The following CEP162 variants were observed in gnomAD, a reference collection of about 807,000 sequenced individuals.
The protein encoded by CEP162 is centrosomal protein 162, also known as centrosomal protein of 162 kDa.
A neutral mutation model predicts 169.2 loss-of-function variants in CEP162; 141 were observed. The ratio of observed to expected loss-of-function variants is 0.83; its 90% CI spans 0.73 to 0.96. The LOEUF (loss-of-function observed/expected upper bound fraction) is 0.96. CEP162 is among the 40% of genes least tolerant of loss of function. The pLI is 0.00. For missense variants in CEP162, 1,600 were observed against 1,587.2 expected (o/e 1.01, Z -0.14); for synonymous variants, 540 against 526.4 (o/e 1.03, Z -0.35).
At chr6:84,198,655 T>C (rs572700805) in intron 9 of CEP162, among the ~76,000 whole-genome samples, 3 of 152,274 alleles carry the variant, frequency 2.0e-5, no homozygotes, top group African/African-American at 7.2e-5. Context: ...ACTGTATAAC[T>C]CTAGGTTCTC....
intron 25 of CEP162, among the ~76,000 whole-genome samples, chr6:84,128,579 A>C (rs1056107432): frequency 5.3e-5 from 8 of 152,114 alleles, no homozygotes; most frequent in Non-Finnish European, 8.8e-5. Flanking sequence ...TTTCCTTAGC[A>C]TCAATATCTT....
intron 13 of CEP162, 67 bp from the exon 14 acceptor site, chr6:84,175,414 G>A (rs1588797043): frequency 1.8e-6 from 2 of 1,120,928 alleles, no homozygotes; most frequent in Non-Finnish European, 2.5e-6. Context: ...CATCAATTGT[G>A]TCCAATAACT....
At position 84,215,388 on chromosome 6, in the gene CEP162, G is replaced by T. The variant is rs1332133080; in HGVS notation, c.397C>A (p.Gln133Lys). Reference protein sequence around the residue: ...DTLEEQEEKEQFFARLEKGLT... With the variant: ...DTLEEQEEKEKFFARLEKGLT... ...CCTTTCTCAAGCCTGGCAAAAAATT[G>T]TTCTTTCTCCTCTTGTTCTTCTAAT... The change falls in exon 5 of 27, where the codon CAA (glutamine) becomes AAA (lysine). Residue 133 changes from glutamine (Q) to lysine (K), a missense_variant. By Grantham distance (53) the Gln-to-Lys change is moderately conservative (BLOSUM62 1). Coordinates refer to ENST00000403245, the MANE Select transcript of CEP162 (RefSeq NM_014895.4). 2 of 1,609,316 alleles carry T rather than the reference G, an allele frequency of 1.2e-6. No individual in the cohort carries two copies. The highest frequency in any genetic ancestry group is 1.3e-5 in the African/African-American group (1 of 74,832).
chr6:84,126,111 G>A (rs902074862), intron 26 of CEP162, among the ~76,000 whole-genome samples: 1 of 152,080 alleles, frequency 6.6e-6, no homozygotes, highest in African/African-American at 2.4e-5. Context: ...GGTAAGATGT[G>A]TAAGTTTTTA....
chr6:84,166,803 A>C (rs9449821), intron 18 of CEP162, among the ~76,000 whole-genome samples: 1 of 152,226 alleles, frequency 6.6e-6, no homozygotes, highest in Non-Finnish European at 1.5e-5. Context: ...TAGACTATAC[A>C]TAAATCATAA....
intron 13 of CEP162, among the ~76,000 whole-genome samples, chr6:84,179,300 C>G (rs192625540): frequency 9.7e-4 from 148 of 152,306 alleles, no homozygotes; most frequent in Middle Eastern, 3.4e-3. Context: ...GTTCCTATTT[C>G]TCCACATCCT....
Position 84,185,276 on chromosome 6 carries a change from A to C in CEP162, c.1574T>G (p.Phe525Cys), listed in dbSNP as rs948837787. Reference protein sequence around the residue: ...YGKPSSPLKMFSTLEKKTSED... With the variant: ...YGKPSSPLKMCSTLEKKTSED... ...TGAAGTTTTCTTTTCAAGAGTAGAAAACATCTTGAGTGGTGAACTGGGTTT... is the reference window on the plus strand; with the variant it reads ...TGAAGTTTTCTTTTCAAGAGTAGAACACATCTTGAGTGGTGAACTGGGTTT... The change falls in exon 13 of 27, where the codon TTT becomes TGT. Residue 525 changes from phenylalanine (F) to cysteine (C), a missense_variant. By Grantham distance (205) the Phe-to-Cys change is radical. Coordinates refer to ENST00000403245, the MANE Select transcript of CEP162 (RefSeq NM_014895.4). 4.3e-6 allele frequency: 7 copies of C among 1,613,516 alleles called. No homozygotes were observed. The African/African-American group carries it at 9.3e-5, about 22-fold the overall frequency.
intron 11 of CEP162, 50 bp from the exon 12 acceptor site, chr6:84,186,673 C>G (rs745636957): frequency 4.1e-6 from 6 of 1,453,834 alleles, no homozygotes; most frequent in Non-Finnish European, 5.6e-6. Flanking sequence ...AACAGCTTTT[C>G]AAATATCAGT....
At chr6:84,159,436 C>CGCT (rs1033954927) in intron 21 of CEP162, among the ~76,000 whole-genome samples, 4 of 142,630 alleles carry the variant, frequency 2.8e-5, no homozygotes, top group African/African-American at 5.2e-5. Flanking sequence ...ATTAGCTAAT[C>CGCT]TAAGTCTTTA....
intron 19 of CEP162, among the ~76,000 whole-genome samples, chr6:84,162,488 T>C (rs1482807280): frequency 6.6e-6 from 1 of 152,156 alleles, no homozygotes; most frequent in Non-Finnish European, 1.5e-5. Context: ...AAAGATCCTA[T>C]CTTTTGCAAA....
intron 25 of CEP162, among the ~76,000 whole-genome samples, chr6:84,134,550 C>T (rs2099513069): frequency 6.6e-6 from 1 of 152,242 alleles, no homozygotes; most frequent in Admixed American, 6.5e-5. Flanking sequence ...GGCTGGAGTG[C>T]ACCGTTCCTC....
chr6:84,166,265 G>A (rs755025994), intron 18 of CEP162, among the ~76,000 whole-genome samples: 6 of 152,140 alleles, frequency 3.9e-5, no homozygotes, highest in Non-Finnish European at 5.9e-5. Context: ...AAGGCCTCTA[G>A]CTTCTGGAAG....
At chr6:84,210,974 A>G (rs1377288107) in intron 6 of CEP162, among the ~76,000 whole-genome samples, 2 of 152,310 alleles carry the variant, frequency 1.3e-5, no homozygotes, top group South Asian at 2.1e-4. Flanking sequence ...AAAAGAAGAA[A>G]ATAAAATCCA....
chr6:84,141,870 C>T (rs1018488174), intron 25 of CEP162, among the ~76,000 whole-genome samples: 3 of 152,036 alleles, frequency 2.0e-5, no homozygotes, highest in Non-Finnish European at 4.4e-5. Context: ...TAAGACTGTC[C>T]TGTGCTCAAG....
rs147802706 is a variant in CEP162, at chr6:84,158,156, T to C, written c.2782-2646A>G. Among the ~76,000 whole-genome samples the C allele has an allele frequency of 2.0e-5, 3 of 152,340 alleles. No individual in the cohort carries two copies. In the East Asian group the frequency reaches 5.8e-4, roughly 29 times the overall value. ...AAACATACAAACACTAAATTCTTTG[T>C]TGAACTGTTTTCTAGCCTATGAGCA... On this transcript the variant is annotated intron_variant, in intron 21 of 26. Coordinates refer to ENST00000403245, the MANE Select transcript of CEP162 (RefSeq NM_014895.4).
chr6:84,141,969 T>G (rs1013417752), intron 25 of CEP162, among the ~76,000 whole-genome samples: 1 of 152,220 alleles, frequency 6.6e-6, no homozygotes, highest in African/African-American at 2.4e-5. Context: ...ACTTCCGTCC[T>G]TTCTCAGTCT....
chr6:84,172,267 C>A (rs908472251), intron 16 of CEP162, among the ~76,000 whole-genome samples: 1 of 152,118 alleles, frequency 6.6e-6, no homozygotes, highest in Non-Finnish European at 1.5e-5. Context: ...CAGGACAAGG[C>A]AGAGCAGAGG....
chr6:84,199,158 T>G (rs1335582955), intron 9 of CEP162, among the ~76,000 whole-genome samples: 1 of 152,128 alleles, frequency 6.6e-6, no homozygotes, highest in Non-Finnish European at 1.5e-5. Context: ...TGCGAGGGGA[T>G]AGACTATCAA....
chr6:84,134,790 T>C (rs1204274994), intron 25 of CEP162, among the ~76,000 whole-genome samples: 1 of 152,118 alleles, frequency 6.6e-6, no homozygotes, highest in Non-Finnish European at 1.5e-5. Context: ...TGTTCCTATT[T>C]GACCATCTTG....
Sources: allele counts gnomAD v4.1 joint callset (sites outside exome capture counted in the v4.1 genomes callset), GRCh38; gene constraint gnomAD v4.1.1; transcripts MANE v1.5; gene names NCBI Gene and HGNC (gene_info 2026-07-23, HGNC 2026-07-21).